The following ASTN2 variants were observed in gnomAD, a reference collection of about 807,000 sequenced individuals.
ASTN2 encodes astrotactin-2.
A neutral mutation model predicts 139.8 loss-of-function variants in ASTN2; 54 were observed. The observed-to-expected ratio is 0.39, with a 90% CI of 0.31 to 0.48. The LOEUF is 0.48. Ranked by LOEUF, ASTN2 falls within the 20% of genes least tolerant of loss-of-function variation. The probability of loss-of-function intolerance (pLI) is 0.95; values close to 1 mark genes in which losing one functional copy is unlikely to be tolerated. For missense variants in ASTN2, 1,565 were observed against 1,725.1 expected (o/e 0.91, Z 1.64); for synonymous variants, 756 against 719.5 (o/e 1.05, Z -0.81).
chr9:116,535,351 G>A (rs1180566388), intron 19 of ASTN2, among the ~76,000 whole-genome samples: 9 of 152,198 alleles, frequency 5.9e-5, no homozygotes, highest in Admixed American at 4.6e-4. Flanking sequence ...GGAGCATTTA[G>A]CCCATTTACA....
At chr9:116,668,273 C>A in intron 16 of ASTN2, among the ~76,000 whole-genome samples, 1 of 151,084 alleles carries the variant, frequency 6.6e-6, no homozygotes, top group Non-Finnish European at 1.5e-5. Context: ...GTCACCGCAA[C>A]CTCCGCCCCC....
chr9:116,799,594 C>G (rs146403014), intron 13 of ASTN2, among the ~76,000 whole-genome samples: 1 of 151,626 alleles, frequency 6.6e-6, no homozygotes, highest in Admixed American at 6.6e-5. Flanking sequence ...TTCTGAGACA[C>G]CAGGTTCAAT....
At chr9:116,602,330 G>A (rs1364822254) in intron 19 of ASTN2, among the ~76,000 whole-genome samples, 1 of 152,116 alleles carries the variant, frequency 6.6e-6, no homozygotes, top group Non-Finnish European at 1.5e-5. Flanking sequence ...TTTTGTTTGT[G>A]TCTTTGTTCT....
rs2132524661 is a variant in ASTN2 at position 116,975,216 on chromosome 9, T to C, written c.1881A>G (p.Ala627=). ...TGGAGATGATTCCCTACCTGACATC[T>C]GCAGGGTCTTCCGTGACGAGCACAT... The part of the protein sequence containing the change: ...KTDVLVTEDP[A]DVREEAMLST... Residue 627 remains alanine, a synonymous_variant, in exon 10 of 23, where the codon GCA becomes GCG. Coordinates refer to ENST00000313400, the MANE Select transcript of ASTN2 (RefSeq NM_001365068.1). 3.1e-6 allele frequency: 5 copies of C among 1,611,018 alleles called. No homozygotes were observed. Among genetic ancestry groups the C allele is most frequent in the East Asian group, 2.2e-5 (1 of 44,774 alleles).
intron 4 of ASTN2, among the ~76,000 whole-genome samples, chr9:117,106,280 G>T (rs1829100545): frequency 6.6e-6 from 1 of 151,860 alleles, no homozygotes; most frequent in Admixed American, 6.6e-5. Flanking sequence ...AGGCTGGAGT[G>T]CAGTAGCGCA....
chr9:117,195,024 C>A (rs1024504947), intron 3 of ASTN2, among the ~76,000 whole-genome samples: 3 of 152,164 alleles, frequency 2.0e-5, no homozygotes, highest in Admixed American at 2.0e-4. Flanking sequence ...TTTATTAACA[C>A]CTGCTATGTG....
intron 6 of ASTN2, among the ~76,000 whole-genome samples, chr9:117,028,480 A>T (rs1838158279): frequency 6.6e-6 from 1 of 152,164 alleles, no homozygotes; most frequent in Non-Finnish European, 1.5e-5. Context: ...TCCCATGTGA[A>T]TACAATGCAT....
intron 3 of ASTN2, among the ~76,000 whole-genome samples, chr9:117,146,037 G>C (rs549409080): frequency 6.6e-5 from 10 of 152,240 alleles, no homozygotes; most frequent in African/African-American, 2.4e-4. Context: ...TTGCCTCAGT[G>C]ACAGTGCCAA....
chr9:117,148,720 C>G (rs1830258385), intron 3 of ASTN2, among the ~76,000 whole-genome samples: 1 of 152,166 alleles, frequency 6.6e-6, no homozygotes, highest in South Asian at 2.1e-4. Context: ...CTAGACATAT[C>G]TGTGAAGATT....
intron 19 of ASTN2, among the ~76,000 whole-genome samples, chr9:116,501,639 G>A (rs1481607883): frequency 1.3e-5 from 2 of 151,840 alleles, no homozygotes; most frequent in South Asian, 2.1e-4. Flanking sequence ...TGTCATAGGT[G>A]GGAATTGAAC....
At chr9:116,703,163 T>C (rs1247107855) in intron 16 of ASTN2, among the ~76,000 whole-genome samples, 3 of 151,482 alleles carry the variant, frequency 2.0e-5, no homozygotes, top group South Asian at 4.2e-4. Context: ...TTTTTAATGA[T>C]TGCCATTCTA....
intron 10 of ASTN2, among the ~76,000 whole-genome samples, chr9:116,871,333 A>G (rs1276249631): frequency 1.3e-5 from 2 of 152,224 alleles, no homozygotes; most frequent in Admixed American, 1.3e-4. Flanking sequence ...CGCTTTGTTG[A>G]GATATAATTC....
At chr9:117,135,659 A>G (rs963059861) in intron 4 of ASTN2, among the ~76,000 whole-genome samples, 3 of 152,204 alleles carry the variant, frequency 2.0e-5, no homozygotes, top group Admixed American at 1.3e-4. Context: ...AAGGGCAGTG[A>G]TAAAAAACAG....
intron 7 of ASTN2, among the ~76,000 whole-genome samples, chr9:116,986,162 C>CG (rs1554767164): frequency 9.0e-6 from 1 of 111,556 alleles, no homozygotes; most frequent in Non-Finnish European, 1.7e-5. Context: ...TCCAGGCTGC[C>CG]CCCCCCCACC....
chr9:116,701,518 G>T (rs1407974255), intron 16 of ASTN2, among the ~76,000 whole-genome samples: 1 of 152,196 alleles, frequency 6.6e-6, no homozygotes, highest in African/African-American at 2.4e-5. Context: ...AATAACAGTG[G>T]CTCAGGCCTT....
rs185891594 is a variant in ASTN2 at position 116,532,062 on chromosome 9, C to T, written c.3356-44562G>A. Among the ~76,000 whole-genome samples the T allele has an allele frequency of 5.9e-3, 896 of 152,312 alleles. 14 individuals carry two copies. The highest frequency in any genetic ancestry group is 0.021 in the African/African-American group (866 of 41,556). On this transcript the variant is annotated intron_variant, in intron 19 of 22. Transcript: ENST00000313400. The stretch of plus-strand genomic sequence containing the variant: ...GACTTTTCAATGATTGCCATTCTAA[C>T]TGGTGTGAGATGGTATCGCATTGTA...
intron 19 of ASTN2, among the ~76,000 whole-genome samples, chr9:116,525,494 A>C (rs1320856786): frequency 1.3e-5 from 2 of 152,144 alleles, no homozygotes. Context: ...GAGCCTTTGC[A>C]CCACAGATGG....
chr9:116,742,097 G>A (rs964190303), intron 13 of ASTN2, among the ~76,000 whole-genome samples: 1 of 152,224 alleles, frequency 6.6e-6, no homozygotes, highest in Admixed American at 6.5e-5. Flanking sequence ...GTGCACATGT[G>A]TGCAAGGTAA....
At chr9:116,517,881 G>A (rs1850715211) in intron 19 of ASTN2, among the ~76,000 whole-genome samples, 1 of 152,102 alleles carries the variant, frequency 6.6e-6, no homozygotes, top group African/African-American at 2.4e-5. Flanking sequence ...TCTCAGCAAT[G>A]GAACTGAACA....
Sources: gnomAD v4.1 joint callset for allele counts (sites outside exome capture counted in the v4.1 genomes callset) on GRCh38, gnomAD v4.1.1 for gene constraint, MANE v1.5 for transcripts, NCBI Gene and HGNC (gene_info 2026-07-23, HGNC 2026-07-21) for gene names.